Variants in ATP11C observed in about 807,000 individuals in gnomAD.
ATP11C encodes the protein phospholipid-transporting ATPase IG.
Under a neutral mutation model 97.4 loss-of-function variants are expected in ATP11C, and 36 were observed. The observed-to-expected ratio is 0.37, with a 90% confidence interval of 0.28 to 0.49. The LOEUF (loss-of-function observed/expected upper bound fraction) is 0.49, where lower values mean the gene tolerates loss of function less well. Among genes scored for constraint, ATP11C ranks in the 20% least tolerant of loss-of-function variants. The pLI is 0.98. For missense variants in ATP11C, 730 were observed against 824.6 expected (o/e 0.89, Z 1.40); for synonymous variants, 275 against 290.9 (o/e 0.95, Z 0.56).
rs186782712 is a variant in ATP11C at position 139,743,386 on chromosome X, T to C, written c.3030+173A>G. ...GGAAAAAACTGATCAAAAAATAGTA[T>C]ACAAATACCCAAATCCCTAGTATCA... On this transcript the variant is annotated intron_variant, in intron 26 of 29. Transcript: ENST00000682941. 4.5e-5 allele frequency among the ~76,000 whole-genome samples: 5 copies of C among 110,839 alleles called. No individual in the cohort carries two copies. The East Asian group carries it at 1.4e-3, about 32-fold the overall frequency.
At chrX:139,885,284 C>T (rs2084622949) in intron 1 of ATP11C, among the ~76,000 whole-genome samples, 1 of 110,373 alleles carries the variant, frequency 9.1e-6, no homozygotes, top group Non-Finnish European at 1.9e-5. Context: ...TTCTGACCGC[C>T]CCCCCACCAC....
At chrX:139,911,371 A>G (rs982266524) in intron 1 of ATP11C, among the ~76,000 whole-genome samples, 32 of 112,175 alleles carry the variant, frequency 2.9e-4, no homozygotes, top group African/African-American at 1.0e-3. Context: ...ATATGCAAAA[A>G]TGTTTAACTT....
chrX:139,846,275 A>G (rs750713441), intron 1 of ATP11C, among the ~76,000 whole-genome samples: 1 of 112,131 alleles, frequency 8.9e-6, no homozygotes, highest in Admixed American at 9.5e-5. Flanking sequence ...TTTTTACCCA[A>G]AAGAATTCTT....
At chrX:139,915,793 T>C (rs1337285987) in intron 1 of ATP11C, among the ~76,000 whole-genome samples, 1 of 112,455 alleles carries the variant, frequency 8.9e-6, no homozygotes, top group African/African-American at 3.2e-5. Flanking sequence ...TTTGAAAATA[T>C]AATAGCAAAT....
At chrX:139,789,638 C>T in intron 12 of ATP11C, 150 bp from the exon 13 acceptor site, 1 of 415,669 alleles carries the variant, frequency 2.4e-6, no homozygotes. Context: ...GACAATATTA[C>T]CAAAGAAATG....
intron 23 of ATP11C, among the ~76,000 whole-genome samples, chrX:139,750,865 T>C (rs748745922): frequency 8.9e-6 from 1 of 111,803 alleles, no homozygotes; most frequent in Non-Finnish European, 1.9e-5. Flanking sequence ...GCTCTGATAT[T>C]ATAAATCTTC....
At chrX:139,801,725 G>A (rs1294564337) in intron 7 of ATP11C, among the ~76,000 whole-genome samples, 1 of 111,484 alleles carries the variant, frequency 9.0e-6, no homozygotes, top group African/African-American at 3.3e-5. Flanking sequence ...GAGAGCCTAA[G>A]TATAGTAAAA....
At chrX:139,842,261 T>A (rs1569478105) in intron 1 of ATP11C, among the ~76,000 whole-genome samples, 2 of 112,422 alleles carry the variant, frequency 1.8e-5, no homozygotes, top group Non-Finnish European at 3.8e-5. Flanking sequence ...CTCGATCTCC[T>A]GACCTCATGA....
intron 1 of ATP11C, among the ~76,000 whole-genome samples, chrX:139,880,015 A>G (rs2084536609): frequency 9.0e-6 from 1 of 111,032 alleles, no homozygotes; most frequent in Admixed American, 9.7e-5. Context: ...TAAGCTACAC[A>G]TTTGTTTGAT....
At chrX:139,911,413 C>G (rs1261948041) in intron 1 of ATP11C, among the ~76,000 whole-genome samples, 1 of 111,798 alleles carries the variant, frequency 8.9e-6, no homozygotes, top group Non-Finnish European at 1.9e-5. Context: ...AAATTAATAT[C>G]ATCGTGAAAT....
chrX:139,935,112 A>G (rs1478821148), upstream of ATP11C, among the ~76,000 whole-genome samples: 1 of 112,452 alleles, frequency 8.9e-6, no homozygotes. Context: ...CAATTCTGTT[A>G]AACAAGTGGA....
At chrX:139,764,970 G>C (rs2082106921) in intron 20 of ATP11C, among the ~76,000 whole-genome samples, 1 of 112,004 alleles carries the variant, frequency 8.9e-6, no homozygotes, top group Non-Finnish European at 1.9e-5. Context: ...CTGTTATACT[G>C]TGTGCAGTAA....
At chrX:139,900,611 AGT>A (rs2084885267) in intron 1 of ATP11C, among the ~76,000 whole-genome samples, 1 of 111,884 alleles carries the variant, frequency 8.9e-6, no homozygotes, top group African/African-American at 3.2e-5. Context: ...TTCAGGTTTG[AGT>A]AGACTTGTTT....
At chrX:139,870,194 GCA>G (rs764472852) in intron 1 of ATP11C, among the ~76,000 whole-genome samples, 5 of 111,646 alleles carry the variant, frequency 4.5e-5, no homozygotes, top group Admixed American at 9.5e-5. Flanking sequence ...TTAAATATGT[GCA>G]GTTTTATCAA....
At chrX:139,775,030 T>C in intron 18 of ATP11C, 77 bp from the exon 19 acceptor site, 1 of 1,023,213 alleles carries the variant, frequency 9.8e-7, no homozygotes, top group Non-Finnish European at 1.3e-6. Flanking sequence ...TTAAAGAGAA[T>C]ATTTTTATAA....
chrX:139,797,941 C>T (rs200498779), intron 10 of ATP11C, among the ~76,000 whole-genome samples: 1 of 111,775 alleles, frequency 8.9e-6, no homozygotes, highest in East Asian at 2.8e-4. Context: ...ACCATTAACT[C>T]CACTAGCAAA....
chrX:139,758,217 T>C (rs1367372455), intron 22 of ATP11C, among the ~76,000 whole-genome samples: 1 of 112,459 alleles, frequency 8.9e-6, no homozygotes. Context: ...CTGACAATGC[T>C]GTAAGTGTAC....
intron 1 of ATP11C, among the ~76,000 whole-genome samples, chrX:139,897,275 G>A: frequency 9.0e-6 from 1 of 111,260 alleles, no homozygotes; most frequent in Non-Finnish European, 1.9e-5. Context: ...CCCAAAATAT[G>A]TACATCTATT....
intron 1 of ATP11C, among the ~76,000 whole-genome samples, chrX:139,888,278 C>T (rs939788322): frequency 9.2e-6 from 1 of 108,255 alleles, no homozygotes; most frequent in African/African-American, 3.4e-5. Context: ...GGATTACAGG[C>T]GCCCGCCACA....
Sources: allele counts gnomAD v4.1 joint callset (sites outside exome capture counted in the v4.1 genomes callset), GRCh38; gene constraint gnomAD v4.1.1; transcripts MANE v1.5; gene names NCBI Gene and HGNC (gene_info 2026-07-23, HGNC 2026-07-21).